Variants in ZXDB observed in about 807,000 individuals in gnomAD.
ZXDB encodes the protein zinc finger X-linked duplicated B.
For missense variants in ZXDB, 413 were observed against 679.1 expected (o/e 0.61, Z 4.36); for synonymous variants, 273 against 314.3 (o/e 0.87, Z 1.39).
rs1057322 is a variant in ZXDB, at chrX:57,593,059, G to T, written c.1011G>T (p.Pro337=). The change falls in exon 1 of 1, where the codon CCG becomes CCT. Residue 337 remains proline, a synonymous_variant. Transcript: ENST00000374888. ...SHDKLRPFGC[P]AEGCGKSFTT... is the part of the protein sequence containing the mutation. Reference sequence around the variant, plus strand: ...ACAAACTGCGGCCCTTTGGCTGCCCGGCAGAGGGCTGTGGCAAGAGCTTCA... The same window carrying T: ...ACAAACTGCGGCCCTTTGGCTGCCCTGCAGAGGGCTGTGGCAAGAGCTTCA... The T allele has an allele frequency of 2.9e-5, 35 of 1,210,216 alleles. No individual in the cohort carries two copies. Among genetic ancestry groups the T allele is most frequent in the African/African-American group, 1.2e-4 (7 of 57,258 alleles).
Position 57,593,987 on chromosome X carries a change from C to A in ZXDB, c.1939C>A (p.His647Asn). 9.0e-7 allele frequency: 1 copy of A among 1,108,605 alleles called. No individual in the cohort carries two copies. Among genetic ancestry groups the A allele is most frequent in the Non-Finnish European group, 1.2e-6 (1 of 813,029 alleles). 91.4% of individuals were successfully genotyped at this position (1,108,605 alleles called of 1,213,427 possible). A position where few individuals can be genotyped will look rare whatever the true frequency, so the allele number is the denominator to read the frequency against. ...VASVSSTLAG[H>N]LPANNNNSVG... ...TTCTGTGAGCTCGACTCTGGCAGGG[C>A]ACCTCCCTGCTAATAATAATAATTC... Residue 647 changes from histidine (H) to asparagine (N), a missense_variant, in exon 1 of 1, where the codon CAC becomes AAC. Transcript: ENST00000374888.
rs780126533 is a variant in ZXDB at position 57,594,096 on chromosome X, C to T, written c.2048C>T (p.Thr683Met). Reference protein sequence around the residue: ...QSLDTSLFFGTAATGFQQSSL... With the variant: ...QSLDTSLFFGMAATGFQQSSL... ...CTGGATACCTCTCTCTTTTTTGGAA[C>T]GGCGGCCACTGGTTTTCAGCAGAGC... The change falls in exon 1 of 1, where the codon ACG (threonine) becomes ATG (methionine). Residue 683 changes from threonine to methionine, a missense_variant. Transcript: ENST00000374888. 41 of 1,158,341 alleles carry T rather than the reference C, an allele frequency of 3.5e-5. No homozygotes were observed. Among genetic ancestry groups the T allele is most frequent in the Non-Finnish European group, 4.6e-5 (40 of 867,399 alleles).
rs1449493944 is a variant in ZXDB at position 57,595,195 on chromosome X, T to C, written c.*735T>C. The C allele has an allele frequency of 8.1e-6, 1 of 123,689 alleles. No homozygotes were observed. Among genetic ancestry groups the C allele is most frequent in the African/African-American group, 3.2e-5 (1 of 30,939 alleles). The allele number at this position is 123,689 out of a possible 1,213,427, so 10.2% of individuals were successfully genotyped here. A position where few individuals can be genotyped will look rare whatever the true frequency, so the allele number is the denominator to read the frequency against. Reference sequence around the variant, plus strand: ...ATTATTTTTAATTAGTAGAATCCCGTAAATCTCCTAAGTGTCTTCTTAATC... The same window carrying C: ...ATTATTTTTAATTAGTAGAATCCCGCAAATCTCCTAAGTGTCTTCTTAATC... On this transcript the variant is annotated 3_prime_UTR_variant, in exon 1 of 1. Coordinates refer to ENST00000374888, the MANE Select transcript of ZXDB (RefSeq NM_007157.4).
At position 57,592,403 on chromosome X, in the gene ZXDB, G is replaced by A. The variant is rs1291213810; in HGVS notation, c.355G>A (p.Glu119Lys). The change falls in exon 1 of 1, where the codon GAG (glutamate) becomes AAG (lysine). Residue 119 changes from glutamate to lysine, a missense_variant. Physicochemically the swap from Glu to Lys is moderately conservative, Grantham distance 56. Coordinates refer to ENST00000374888, the MANE Select transcript of ZXDB (RefSeq NM_007157.4). Reference protein sequence around the residue: ...SGQAAGPVLREEAEEGPGLQG... With the variant: ...SGQAAGPVLRKEAEEGPGLQG... ...TCAGGCCGCAGGGCCTGTGTTGAGG[G>A]AGGAGGCCGAGGAGGGCCCGGGGCT... The A allele has an allele frequency of 1.7e-6, 2 of 1,170,372 alleles. No homozygotes were observed. Among genetic ancestry groups the A allele is most frequent in the Non-Finnish European group, 2.3e-6 (2 of 879,747 alleles).
Position 57,596,815 on chromosome X carries a change from T to A in ZXDB, c.*2355T>A, listed in dbSNP as rs772029068. The A allele has an allele frequency of 8.1e-6, 1 of 123,218 alleles. No homozygotes were observed. The highest frequency in any genetic ancestry group is 3.7e-4 in the South Asian group (1 of 2,675). 10.2% of individuals were successfully genotyped at this position (123,218 alleles called of 1,213,427 possible). ...TTTTCCTGCCATTATCCCTCAGACA[T>A]TCTCCTCATGGCACATTTTCTTCAA... On this transcript the variant is annotated 3_prime_UTR_variant, in exon 1 of 1. Transcript: ENST00000374888.
chrX:57,592,895 G>A lies in ZXDB; in HGVS notation c.847G>A (p.Ala283Thr). ...CPEAQCGQTF[A>T]KKHQLKVHLL... is the part of the protein sequence containing the mutation. ...CGAGGCGCAGTGCGGGCAAACCTTC[G>A]CCAAGAAGCACCAGCTGAAGGTGCA... The change falls in exon 1 of 1, where the codon GCC becomes ACC. Residue 283 changes from alanine to threonine, a missense_variant. Transcript: ENST00000374888. The A allele has an allele frequency of 6.7e-6, 8 of 1,189,403 alleles. No homozygotes were observed. The highest frequency in any genetic ancestry group is 9.0e-6 in the Non-Finnish European group (8 of 884,802).
chrX:57,594,578 C>T lies in ZXDB; in HGVS notation c.*118C>T. ...TTTTTGGTTTGCAAAAAGAGCACAG[C>T]CCTGGACTACAAGTTTGGAGATTTA... is the stretch of plus-strand genomic sequence containing the variant. On this transcript the variant is annotated 3_prime_UTR_variant, in exon 1 of 1. Coordinates refer to ENST00000374888, the MANE Select transcript of ZXDB (RefSeq NM_007157.4). The T allele has an allele frequency of 1.1e-6, 1 of 913,096 alleles. No individual in the cohort carries two copies. Among genetic ancestry groups the T allele is most frequent in the South Asian group, 2.6e-5 (1 of 38,337 alleles). The allele number at this position is 913,096 out of a possible 1,213,427, so 75.2% of individuals were successfully genotyped here. A position where few individuals can be genotyped will look rare whatever the true frequency, so the allele number is the denominator to read the frequency against.
At position 57,592,545 on chromosome X, in the gene ZXDB, C is replaced by G; in HGVS notation, c.497C>G (p.Ala166Gly). 5 of 1,189,236 alleles carry G rather than the reference C, an allele frequency of 4.2e-6. No individual in the cohort carries two copies. Among genetic ancestry groups the G allele is most frequent in the Middle Eastern group, 3.1e-4 (1 of 3,180 alleles). Residue 166 changes from alanine to glycine, a missense_variant, in exon 1 of 1, where the codon GCG becomes GGG. Ala to Gly is a moderately conservative substitution (Grantham distance 60). Transcript: ENST00000374888. ...GCCCCCGGCCCCGCCGCGGCCTTCG[C>G]GGGCACAGTCACTATCCACAACCAG... ...ISAPGPAAAF[A>G]GTVTIHNQDL...
At position 57,592,847 on chromosome X, in the gene ZXDB, G is replaced by T. The variant is rs771564463; in HGVS notation, c.799G>T (p.Gly267Cys). 3.9e-4 allele frequency: 460 copies of T among 1,170,644 alleles called. No individual in the cohort carries two copies. The highest frequency in any genetic ancestry group is 5.2e-4 in the Non-Finnish European group (453 of 876,233). ...GPRGPLGSGP[G>C]VVLYLCPEAQ... ...CCGCGGACCGCTGGGCTCCGGCCCA[G>T]GCGTGGTGCTGTACTTGTGCCCCGA... Residue 267 changes from glycine to cysteine, a missense_variant, in exon 1 of 1, where the codon GGC becomes TGC. Transcript: ENST00000374888.
chrX:57,592,119 G>T lies in ZXDB; in HGVS notation c.71G>T (p.Gly24Val). 9.6e-7 allele frequency: 1 copy of T among 1,041,386 alleles called. No individual in the cohort carries two copies. Among genetic ancestry groups the T allele is most frequent in the Non-Finnish European group, 1.2e-6 (1 of 818,382 alleles). 85.8% of individuals were successfully genotyped at this position (1,041,386 alleles called of 1,213,427 possible). Reference sequence around the variant, plus strand: ...GGCGGCGGCGGCGGTATCCCCGCGGGTGGCGGCCGAGTCCACCGAGGCCCT... The same window carrying T: ...GGCGGCGGCGGCGGTATCCCCGCGGTTGGCGGCCGAGTCCACCGAGGCCCT... ...QGGGGGGIPA[G>V]GGRVHRGPDS... is the part of the protein sequence containing the mutation. The change falls in exon 1 of 1, where the codon GGT (glycine) becomes GTT (valine). Residue 24 changes from glycine to valine, a missense_variant. Gly to Val is a moderately radical substitution (Grantham distance 109, BLOSUM62 -3). Transcript: ENST00000374888.
chrX:57,594,387 A>G lies in ZXDB; in HGVS notation c.2339A>G (p.Asn780Ser), dbSNP rs1257668877. The change falls in exon 1 of 1, where the codon AAT becomes AGT. Residue 780 changes from asparagine (N) to serine (S), a missense_variant. Coordinates refer to ENST00000374888, the MANE Select transcript of ZXDB (RefSeq NM_007157.4). The stretch of plus-strand genomic sequence containing the variant: ...GGAGAAACCCAGTTTGGATTCCCCA[A>G]TGCAGCAGGAAACCATGGTTCTCAG... ...QEGETQFGFPNAAGNHGSQKE... is the reference protein window; with the variant it reads ...QEGETQFGFPSAAGNHGSQKE... 2.3e-5 allele frequency: 28 copies of G among 1,211,834 alleles called. No homozygotes were observed. Among genetic ancestry groups the G allele is most frequent in the Non-Finnish European group, 2.9e-5 (26 of 895,512 alleles).
At position 57,593,540 on chromosome X, in the gene ZXDB, G is replaced by T; in HGVS notation, c.1492G>T (p.Ala498Ser). The T allele has an allele frequency of 1.7e-6, 2 of 1,211,655 alleles. No homozygotes were observed. Among genetic ancestry groups the T allele is most frequent in the Non-Finnish European group, 2.2e-6 (2 of 895,468 alleles). The change falls in exon 1 of 1, where the codon GCG becomes TCG. Residue 498 changes from alanine (A) to serine (S), a missense_variant. Coordinates refer to ENST00000374888, the MANE Select transcript of ZXDB (RefSeq NM_007157.4). ...VEGCGKSFTR[A>S]EHLKGHSITH... ...AGGCTGTGGGAAATCTTTCACGAGG[G>T]CGGAACATCTGAAAGGCCACAGCAT...
chrX:57,592,344 C>T lies in ZXDB; in HGVS notation c.296C>T (p.Pro99Leu). 2 of 1,192,857 alleles carry T rather than the reference C, an allele frequency of 1.7e-6. No homozygotes were observed. Among genetic ancestry groups the T allele is most frequent in the Middle Eastern group, 3.2e-4 (1 of 3,142 alleles). Residue 99 changes from proline to leucine, a missense_variant, in exon 1 of 1, where the codon CCG becomes CTG. Pro to Leu is a moderately conservative substitution (Grantham distance 98, BLOSUM62 -3). Coordinates refer to ENST00000374888, the MANE Select transcript of ZXDB (RefSeq NM_007157.4). Reference protein sequence around the residue: ...GDDFFLVLLDPVGGDVETAGS... With the variant: ...GDDFFLVLLDLVGGDVETAGS... ...GACTTCTTCCTGGTGCTGCTTGACC[C>T]GGTGGGTGGCGACGTGGAGACCGCG...
In ZXDB at chrX:57,593,352, A is replaced by G; in HGVS notation, c.1304A>G (p.Tyr435Cys). 8.3e-7 allele frequency: 1 copy of G among 1,211,706 alleles called. No individual in the cohort carries two copies. Among genetic ancestry groups the G allele is most frequent in the Non-Finnish European group, 1.1e-6 (1 of 895,422 alleles). The change falls in exon 1 of 1, where the codon TAT becomes TGT. Residue 435 changes from tyrosine to cysteine, a missense_variant. Coordinates refer to ENST00000374888, the MANE Select transcript of ZXDB (RefSeq NM_007157.4). ...SCSFPGCSKQ[Y>C]DKACRLKIHL... is the part of the protein sequence containing the mutation. ...TCTTTTCCTGGCTGCAGCAAACAAT[A>G]TGACAAGGCTTGTAGGCTGAAAATT... is the stretch of plus-strand genomic sequence containing the variant.
At position 57,594,071 on chromosome X, in the gene ZXDB, C is replaced by T. The variant is rs202184281; in HGVS notation, c.2023C>T (p.Leu675=). 2.6e-6 allele frequency: 3 copies of T among 1,148,014 alleles called. No individual in the cohort carries two copies. Among genetic ancestry groups the T allele is most frequent in the Non-Finnish European group, 3.5e-6 (3 of 855,683 alleles). The allele number at this position is 1,148,014 out of a possible 1,213,427, so 94.6% of individuals were successfully genotyped here. A position where few individuals can be genotyped will look rare whatever the true frequency, so the allele number is the denominator to read the frequency against. ...GGCCACCAGCGACCCTCCTCAAAGT[C>T]TGGATACCTCTCTCTTTTTTGGAAC... ...LMATSDPPQS[L]DTSLFFGTAA... is the part of the protein sequence containing the mutation. The change falls in exon 1 of 1, where the codon CTG becomes TTG. Residue 675 remains leucine, a synonymous_variant. Coordinates refer to ENST00000374888, the MANE Select transcript of ZXDB (RefSeq NM_007157.4).
chrX:57,596,993 C>T lies in ZXDB; in HGVS notation c.*2533C>T, dbSNP rs761931654. 16 of 123,264 alleles carry T rather than the reference C, an allele frequency of 1.3e-4. 1 individual carries two copies. The highest frequency in any genetic ancestry group is 3.8e-4 in the Admixed American group (4 of 10,582). The allele number at this position is 123,264 out of a possible 1,213,427, so 10.2% of individuals were successfully genotyped here. A position where few individuals can be genotyped will look rare whatever the true frequency, so the allele number is the denominator to read the frequency against. ...AAGTGGATTTCTGTTTCATTACTTC[C>T]GTTTTAAAAGTTTTTGCCAGAGAGT... On this transcript the variant is annotated 3_prime_UTR_variant, in exon 1 of 1. Transcript: ENST00000374888.
chrX:57,594,083 CTCTT>C lies in ZXDB; in HGVS notation c.2037_2040del (p.Phe680LeufsTer13). On this transcript the variant is annotated frameshift_variant, in exon 1 of 1. Transcript: ENST00000374888. LOFTEE classifies it low-confidence loss of function (END_TRUNC). ...CCCTCCTCAAAGTCTGGATACCTCT[CTCTT>C]TTTTGGAACGGCGGCCACTGGTTTT... 1 of 1,166,304 alleles carries C rather than the reference CTCTT, an allele frequency of 8.6e-7. No individual in the cohort carries two copies. Among genetic ancestry groups the C allele is most frequent in the Non-Finnish European group, 1.2e-6 (1 of 868,001 alleles).
Position 57,594,177 on chromosome X carries a change from A to G in ZXDB, c.2129A>G (p.Asp710Gly), listed in dbSNP as rs2057904220. 8.3e-7 allele frequency: 1 copy of G among 1,198,495 alleles called. No individual in the cohort carries two copies. Among genetic ancestry groups the G allele is most frequent in the Non-Finnish European group, 1.1e-6 (1 of 889,434 alleles). The stretch of plus-strand genomic sequence containing the variant: ...AGTGTGGGGCCATTGGGATCTCTGG[A>G]CTCTTTGGCCATGAAAAACTCCAGT... ...SVSVGPLGSL[D>G]SLAMKNSSPE... Residue 710 changes from aspartate to glycine, a missense_variant, in exon 1 of 1, where the codon GAC becomes GGC. Transcript: ENST00000374888.
At position 57,595,325 on chromosome X, in the gene ZXDB, T is replaced by C. The variant is rs2057907945; in HGVS notation, c.*865T>C. 1.6e-5 allele frequency: 2 copies of C among 123,574 alleles called. No individual in the cohort carries two copies. The highest frequency in any genetic ancestry group is 7.3e-4 in the South Asian group (2 of 2,735). The allele number at this position is 123,574 out of a possible 1,213,427, so 10.2% of individuals were successfully genotyped here. A position where few individuals can be genotyped will look rare whatever the true frequency, so the allele number is the denominator to read the frequency against. Reference sequence around the variant, plus strand: ...CACAATTTAAGTTTTGCTAATTGCATCCCTATGGTAATGTTTGCTTTCCTC... The same window carrying C: ...CACAATTTAAGTTTTGCTAATTGCACCCCTATGGTAATGTTTGCTTTCCTC... On this transcript the variant is annotated 3_prime_UTR_variant, in exon 1 of 1. Coordinates refer to ENST00000374888, the MANE Select transcript of ZXDB (RefSeq NM_007157.4).
Sources: gnomAD v4.1 joint callset for allele counts on GRCh38, gnomAD v4.1.1 for gene constraint, MANE v1.5 for transcripts, NCBI Gene and HGNC (gene_info 2026-07-23, HGNC 2026-07-21) for gene names.